ITGB1: variants seen among roughly 807,000 people sequenced by gnomAD.
ITGB1 encodes the protein integrin subunit beta 1.
A neutral mutation model predicts 86.5 loss-of-function variants in ITGB1; 24 were observed. The observed-to-expected ratio is 0.28, with a 90% CI of 0.20 to 0.39. The LOEUF (loss-of-function observed/expected upper bound fraction) is 0.39. Ranked by LOEUF, ITGB1 falls within the 10% of genes least tolerant of loss-of-function variation. The pLI is 1.00. For missense variants in ITGB1, 556 were observed against 946.9 expected (o/e 0.59, Z 5.42); for synonymous variants, 323 against 316.8 (o/e 1.02, Z -0.21).
intron 1 of ITGB1, chr10:32,953,644 T>A (rs2137270946): frequency 6.6e-6 from 1 of 151,988 alleles, no homozygotes; most frequent in South Asian, 2.1e-4. Context: ...GAGAGAAACA[T>A]GCAGGCTGCT....
intron 15 of ITGB1, among the ~76,000 whole-genome samples, chr10:32,904,670 T>A (rs2094891338): frequency 7.3e-6 from 1 of 136,436 alleles, no homozygotes. Context: ...ATCCATGATG[T>A]AATTTCTTGA....
intron 15 of ITGB1, chr10:32,906,507 TG>T: frequency 4.5e-6 from 1 of 223,982 alleles, no homozygotes; most frequent in South Asian, 4.4e-5. Context: ...GGAGAATTGC[TG>T]GAATCTGGAA....
rs577372897 is a variant in ITGB1, at chr10:32,922,859, G to A, written c.943-124C>T. On this transcript the variant is annotated intron_variant, in intron 7 of 15. Coordinates refer to ENST00000302278, the MANE Select transcript of ITGB1 (RefSeq NM_002211.4). ...ATTACAAGACTGCTTTAGATAACTAGATTACATATATAATCCATATATAGC... is the reference window on the plus strand; with the variant it reads ...ATTACAAGACTGCTTTAGATAACTAAATTACATATATAATCCATATATAGC... 4.6e-4 allele frequency: 269 copies of A among 578,944 alleles called. 1 individual carries two copies. In the African/African-American group the frequency reaches 4.7e-3, roughly 10 times the overall value. 35.9% of individuals were successfully genotyped at this position (578,944 alleles called of 1,614,324 possible). A position where few individuals can be genotyped will look rare whatever the true frequency, so the allele number is the denominator to read the frequency against.
chr10:32,924,078 G>A (rs2094957884), intron 6 of ITGB1, among the ~76,000 whole-genome samples: 1 of 152,186 alleles, frequency 6.6e-6, no homozygotes, highest in African/African-American at 2.4e-5. Flanking sequence ...TTGGCAAGCA[G>A]TAAGCCCTTG....
intron 7 of ITGB1, 139 bp from the exon 8 acceptor site, chr10:32,922,874 C>A (rs2094954438): frequency 1.8e-6 from 1 of 556,516 alleles, no homozygotes; most frequent in African/African-American, 1.9e-5. Flanking sequence ...CATATATAAT[C>A]CATATATAGC....
chr10:32,920,633 G>A (rs1368640797), intron 9 of ITGB1, among the ~76,000 whole-genome samples: 1 of 151,968 alleles, frequency 6.6e-6, no homozygotes, highest in Non-Finnish European at 1.5e-5. Flanking sequence ...AAAATACTCA[G>A]GATCACACAG....
chr10:32,925,280 T>G (rs2094961290), intron 6 of ITGB1, among the ~76,000 whole-genome samples: 1 of 152,222 alleles, frequency 6.6e-6, no homozygotes, highest in Non-Finnish European at 1.5e-5. Flanking sequence ...GGGATGGGCT[T>G]GCTACTGAAA....
At chr10:32,911,268 T>TCC (rs1399177091) in intron 13 of ITGB1, among the ~76,000 whole-genome samples, 180 bp downstream of exon 13, 6 of 152,176 alleles carry the variant, frequency 3.9e-5, no homozygotes, top group African/African-American at 1.4e-4. Flanking sequence ...CTTCATACCA[T>TCC]GTAATATATA....
intron 9 of ITGB1, among the ~76,000 whole-genome samples, chr10:32,920,720 C>T (rs1241276624): frequency 6.6e-6 from 1 of 151,908 alleles, no homozygotes; most frequent in Non-Finnish European, 1.5e-5. Flanking sequence ...CACCTGTAAT[C>T]CCAGCACTTT....
intron 1 of ITGB1, among the ~76,000 whole-genome samples, chr10:32,948,439 T>G (rs1476566857): frequency 6.6e-6 from 1 of 151,704 alleles, no homozygotes; most frequent in African/African-American, 2.4e-5. Flanking sequence ...AAAAAAAGAT[T>G]GAGGGGAGGG....
At position 32,926,821 on chromosome 10, in the gene ITGB1, G is replaced by A. The variant is rs564674253; in HGVS notation, c.548-712C>T. 7.5e-4 allele frequency among the ~76,000 whole-genome samples: 114 copies of A among 152,242 alleles called. 1 individual carries two copies. The Middle Eastern group carries it at 0.014, about 18-fold the overall frequency. On this transcript the variant is annotated intron_variant, in intron 5 of 15. Coordinates refer to ENST00000302278, the MANE Select transcript of ITGB1 (RefSeq NM_002211.4). ...CTCCCTGCTGCTATGTGAGTACATCGCAAGAAGGTATCATCTATGAACCCA... is the reference window on the plus strand; with the variant it reads ...CTCCCTGCTGCTATGTGAGTACATCACAAGAAGGTATCATCTATGAACCCA...
intron 1 of ITGB1, among the ~76,000 whole-genome samples, chr10:32,940,290 C>T (rs551280666): frequency 6.7e-5 from 10 of 150,224 alleles, no homozygotes; most frequent in Admixed American, 1.3e-4. Flanking sequence ...GGTTACAGTG[C>T]GCCAAAATTG....
At chr10:32,957,388 G>C (rs1312539389) in intron 1 of ITGB1, among the ~76,000 whole-genome samples, 1 of 152,166 alleles carries the variant, frequency 6.6e-6, no homozygotes, top group Non-Finnish European at 1.5e-5. Context: ...TCAGGCTCGC[G>C]GACCGGGTCT....
At chr10:32,910,109 C>A in intron 14 of ITGB1, 114 bp downstream of exon 14, 1 of 708,844 alleles carries the variant, frequency 1.4e-6, no homozygotes, top group South Asian at 2.0e-5. Flanking sequence ...GAAAAATTTC[C>A]CAACTTGACC....
chr10:32,932,448 G>T (rs1326496878), intron 3 of ITGB1, 67 bp downstream of exon 3: 3 of 834,026 alleles, frequency 3.6e-6, no homozygotes, highest in East Asian at 2.4e-5. Context: ...GCTTCTGAAG[G>T]ATACAGCACT....
intron 2 of ITGB1, chr10:32,933,248 A>T (rs1349531584): frequency 6.6e-6 from 1 of 152,196 alleles, no homozygotes; most frequent in Non-Finnish European, 1.5e-5. Flanking sequence ...CAAAGACAAG[A>T]CATAATTCAG....
chr10:32,916,993 G>T (rs566469022), intron 11 of ITGB1, among the ~76,000 whole-genome samples: 1 of 152,050 alleles, frequency 6.6e-6, no homozygotes, highest in Non-Finnish European at 1.5e-5. Flanking sequence ...CCAAAACAGA[G>T]ATATAGACCT....
At chr10:32,942,683 C>T (rs1361891549) in intron 1 of ITGB1, among the ~76,000 whole-genome samples, 34 of 91,140 alleles carry the variant, frequency 3.7e-4, no homozygotes, top group Non-Finnish European at 7.6e-4. Context: ...CTCTCTCTCT[C>T]TTTTTTTTTT....
chr10:32,955,553 T>TG (rs1815369213), intron 1 of ITGB1: 1 of 152,242 alleles, frequency 6.6e-6, no homozygotes, highest in South Asian at 2.1e-4. Context: ...TACTCACCGC[T>TG]GTAAGCCATA....
Sources: gnomAD v4.1 joint callset for allele counts (sites outside exome capture counted in the v4.1 genomes callset) on GRCh38, gnomAD v4.1.1 for gene constraint, MANE v1.5 for transcripts, NCBI Gene and HGNC (gene_info 2026-07-23, HGNC 2026-07-21) for gene names.